ALG12: variants seen among roughly 807,000 people sequenced by gnomAD.
The protein encoded by ALG12 is dol-P-Man:Man(7)GlcNAc(2)-PP-Dol alpha-1,6-mannosyltransferase.
ALG12 carries 36 observed loss-of-function variants against 46.0 expected under a neutral mutation model. That is an observed-to-expected ratio of 0.78 (90% CI 0.60 to 1.03). ALG12 has a LOEUF of 1.03. ALG12 is among the 50% of genes least tolerant of loss of function. The probability of loss-of-function intolerance (pLI) is 0.00; values close to 1 mark genes in which losing one functional copy is unlikely to be tolerated. For missense variants in ALG12, 599 were observed against 633.5 expected (o/e 0.95, Z 0.58); for synonymous variants, 326 against 291.6 (o/e 1.12, Z -1.20).
chr22:49,886,965 C>T, the ALG12 span: 17 of 1,614,136 alleles, frequency 1.1e-5, no homozygotes, highest in Non-Finnish European at 1.4e-5. The surrounding 1 kb of genome is among the most constrained non-coding windows in gnomAD (Gnocchi z 7.7). Flanking sequence ...GTGACCCGCT[C>T]ACCTACTGGA....
chr22:49,918,004 G>GGGCCCCCGGATGAGAGGTCC (rs2060627054), intron 1 of ALG12, among the ~76,000 whole-genome samples: 1 of 95,102 alleles, frequency 1.1e-5, no homozygotes, highest in Non-Finnish European at 2.2e-5. Flanking sequence ...GTGAGAGGTC[G>GGGCCCCCGGATGAGAGGTCC]GGCCCCCGGA....
At chr22:49,862,837 G>A in the ALG12 span, among the ~76,000 whole-genome samples, 1 of 151,414 alleles carries the variant, frequency 6.6e-6, no homozygotes, top group East Asian at 1.9e-4. Context: ...GAGTAACTGG[G>A]ATTACAGGTG....
At chr22:49,910,206 G>A (rs2060568164) in intron 4 of ALG12, 118 bp from the exon 5 acceptor site, 25 of 1,292,306 alleles carry the variant, frequency 1.9e-5, no homozygotes, top group African/African-American at 3.0e-5. Flanking sequence ...AAATATCCCA[G>A]AAAAGAAACT....
At position 49,902,419 on chromosome 22, in the gene ALG12, G is replaced by GTGTATGCATGGTGTGTGCAC. The variant is rs2060516397; in HGVS notation, c.*1399_*1418dup. ...TGCATGGTGTGTGCACATGTGCACT[G>GTGTATGCATGGTGTGTGCAC]TGTATGCATGGTGTGTGCACGTGTG... On this transcript the variant is annotated 3_prime_UTR_variant, in exon 10 of 10. Coordinates refer to ENST00000330817, the MANE Select transcript of ALG12 (RefSeq NM_024105.4). 7.3e-6 allele frequency: 1 copy of GTGTATGCATGGTGTGTGCAC among 136,674 alleles called. No individual in the cohort carries two copies. Among genetic ancestry groups the GTGTATGCATGGTGTGTGCAC allele is most frequent in the Non-Finnish European group, 1.6e-5 (1 of 63,368 alleles). 8.5% of individuals were successfully genotyped at this position (136,674 alleles called of 1,614,324 possible). A position where few individuals can be genotyped will look rare whatever the true frequency, so the allele number is the denominator to read the frequency against.
chr22:49,909,494 A>G, intron 5 of ALG12, 147 bp from the exon 6 acceptor site: 4 of 822,852 alleles, frequency 4.9e-6, no homozygotes, highest in Non-Finnish European at 6.1e-6. Flanking sequence ...GGAGCCTAGG[A>G]GTTCAAGGTT....
Position 49,900,674 on chromosome 22 carries a change from A to G in ALG12, c.*3164T>C, listed in dbSNP as rs1421460103. 6.6e-6 allele frequency: 1 copy of G among 150,914 alleles called. No individual in the cohort carries two copies. The highest frequency in any genetic ancestry group is 6.6e-5 in the Admixed American group (1 of 15,126). The allele number at this position is 150,914 out of a possible 1,614,324, so 9.3% of individuals were successfully genotyped here. ...AGGCGTGCACTGGACTCCCTAGCAG[A>G]TGCGTGAGGATGCTGCTGTTGCTGG... On this transcript the variant is annotated 3_prime_UTR_variant, in exon 10 of 10. Coordinates refer to ENST00000330817, the MANE Select transcript of ALG12 (RefSeq NM_024105.4).
chr22:49,884,653 A>T, the ALG12 span: 1 of 1,612,372 alleles, frequency 6.2e-7, no homozygotes, highest in Non-Finnish European at 8.5e-7. Context: ...CATCAGGCAC[A>T]TGTGGAGGGC....
the ALG12 span, among the ~76,000 whole-genome samples, chr22:49,870,991 A>G: frequency 5.4e-5 from 8 of 148,016 alleles, no homozygotes; most frequent in Admixed American, 1.3e-4. Context: ...CCCAGGCTGG[A>G]GTGCAGTGGT....
chr22:49,865,981 T>G, the ALG12 span, among the ~76,000 whole-genome samples: 1 of 152,164 alleles, frequency 6.6e-6, no homozygotes, highest in Middle Eastern at 3.4e-3. Context: ...CGATGCTGAT[T>G]ATACGCGTGG....
the ALG12 span, among the ~76,000 whole-genome samples, chr22:49,890,987 G>A: frequency 6.6e-6 from 1 of 151,144 alleles, no homozygotes; most frequent in African/African-American, 2.4e-5. Context: ...CTGAGATTGT[G>A]CCACTGCACT....
At chr22:49,914,669 A>G (rs1488078153) in intron 1 of ALG12, among the ~76,000 whole-genome samples, 2 of 152,346 alleles carry the variant, frequency 1.3e-5, no homozygotes, top group Admixed American at 6.5e-5. Flanking sequence ...ATTTTATTCA[A>G]TCCAAACCAG....
intron 7 of ALG12, among the ~76,000 whole-genome samples, chr22:49,907,483 A>G (rs1601821030): frequency 6.6e-6 from 1 of 152,274 alleles, no homozygotes. Context: ...CCCTGTGTTT[A>G]TCTTAAAAAA....
the ALG12 span, among the ~76,000 whole-genome samples, chr22:49,869,435 G>A: frequency 1.3e-5 from 2 of 152,200 alleles, no homozygotes; most frequent in Admixed American, 6.5e-5. Context: ...ACACTCTTGC[G>A]TGGACTTTAG....
At chr22:49,860,265 C>T in the ALG12 span, among the ~76,000 whole-genome samples, 2 of 152,254 alleles carry the variant, frequency 1.3e-5, no homozygotes, top group African/African-American at 2.4e-5. Context: ...CGTCACTGCA[C>T]TGCTGCCTGG....
chr22:49,868,605 A>C, the ALG12 span, among the ~76,000 whole-genome samples: 7 of 152,082 alleles, frequency 4.6e-5, no homozygotes, highest in Admixed American at 4.6e-4. Flanking sequence ...ATGAAAACTG[A>C]CCCAAGAAAC....
chr22:49,866,891 C>A, the ALG12 span, among the ~76,000 whole-genome samples: 4 of 152,188 alleles, frequency 2.6e-5, no homozygotes, highest in Admixed American at 2.0e-4. Flanking sequence ...CGGTGGCTCT[C>A]GGCAAATGCA....
the ALG12 span, among the ~76,000 whole-genome samples, chr22:49,869,494 T>G: frequency 2.0e-5 from 3 of 152,340 alleles, no homozygotes; most frequent in Admixed American, 2.0e-4. Context: ...CTGATGGTGT[T>G]TTTTAGTTCC....
chr22:49,861,622 G>T, the ALG12 span, among the ~76,000 whole-genome samples: 1 of 152,084 alleles, frequency 6.6e-6, no homozygotes. Context: ...TTTTTGTAGA[G>T]ATGGGAGTCT....
intron 7 of ALG12, among the ~76,000 whole-genome samples, 197 bp downstream of exon 7, chr22:49,907,524 G>C (rs1015526781): frequency 6.6e-6 from 1 of 152,176 alleles, no homozygotes; most frequent in African/African-American, 2.4e-5. Context: ...TGCAATCCCA[G>C]CACTTCCAGA....
Sources: allele counts gnomAD v4.1 joint callset (sites outside exome capture counted in the v4.1 genomes callset), GRCh38; gene constraint gnomAD v4.1.1; non-coding constraint Gnocchi (gnomAD v3.1); transcripts MANE v1.5; gene names NCBI Gene and HGNC (gene_info 2026-07-23, HGNC 2026-07-21).